Variants in TRAPPC9 observed in about 807,000 individuals in gnomAD.
TRAPPC9 encodes the protein trafficking protein particle complex subunit 9, also known as IKK2 binding protein.
In TRAPPC9, 83 loss-of-function variants were observed where a neutral mutation model predicts 124.0. The observed-to-expected ratio is 0.67, with a 90% CI of 0.56 to 0.80. The LOEUF is 0.80. Ranked by LOEUF, TRAPPC9 falls within the 30% of genes least tolerant of loss-of-function variation. TRAPPC9 has a pLI of 0.00. For synonymous variants in TRAPPC9, 638 were observed against 617.5 expected (o/e 1.03, Z -0.49); for missense variants, 1,302 against 1,508.3 (o/e 0.86, Z 2.27).
At chr8:139,784,925 A>G (rs766908027) in intron 21 of TRAPPC9, among the ~76,000 whole-genome samples, 1 of 152,100 alleles carries the variant, frequency 6.6e-6, no homozygotes, top group South Asian at 2.1e-4. Context: ...TTAAAATTCC[A>G]GCAGGCCTTA....
intron 21 of TRAPPC9, among the ~76,000 whole-genome samples, chr8:139,784,528 C>T (rs1396146773): frequency 2.0e-5 from 3 of 149,914 alleles, no homozygotes; most frequent in African/African-American, 4.9e-5. Flanking sequence ...GAGCAGAGAT[C>T]GCGCCATTGC....
chr8:140,076,080 T>C (rs988003848), intron 17 of TRAPPC9, among the ~76,000 whole-genome samples: 2 of 152,212 alleles, frequency 1.3e-5, no homozygotes, highest in Admixed American at 1.3e-4. Flanking sequence ...GGAGGTGCTA[T>C]CACGATCCCC....
rs898755112 is a variant in TRAPPC9 at position 140,305,307 on chromosome 8, T to G, written c.1623-4693A>C. Among the ~76,000 whole-genome samples, 8 of 152,148 alleles carry G rather than the reference T, an allele frequency of 5.3e-5. 1 individual carries two copies. Among genetic ancestry groups the G allele is most frequent in the South Asian group, 4.1e-4 (2 of 4,822 alleles). Reference sequence around the variant, plus strand: ...TGGTTACCTTAACTTGTTCTTTTTTTTGAGAGAGAGAGAGAGGGAGTATCG... The same window carrying G: ...TGGTTACCTTAACTTGTTCTTTTTTGTGAGAGAGAGAGAGAGGGAGTATCG... On this transcript the variant is annotated intron_variant, in intron 10 of 22. Transcript: ENST00000438773.
intron 17 of TRAPPC9, among the ~76,000 whole-genome samples, chr8:140,105,893 T>C (rs374400809): frequency 1.9e-4 from 29 of 152,248 alleles, no homozygotes; most frequent in African/African-American, 6.7e-4. Flanking sequence ...TGGCCACTCC[T>C]TCATAGGAGA....
intron 21 of TRAPPC9, among the ~76,000 whole-genome samples, chr8:139,775,193 G>A (rs1364026085): frequency 1.3e-5 from 2 of 152,172 alleles, no homozygotes; most frequent in East Asian, 1.9e-4. Flanking sequence ...ACAGGGCCAT[G>A]TCCACAACAG....
At chr8:139,772,578 A>T (rs1821045169) in intron 21 of TRAPPC9, among the ~76,000 whole-genome samples, 1 of 152,232 alleles carries the variant, frequency 6.6e-6, no homozygotes, top group South Asian at 2.1e-4. Flanking sequence ...GGAGTCGGCT[A>T]CACATAAAAT....
At chr8:140,451,510 T>G in intron 1 of TRAPPC9, 127 bp from the exon 2 acceptor site, 1 of 785,160 alleles carries the variant, frequency 1.3e-6, no homozygotes, top group Admixed American at 2.0e-5. Flanking sequence ...AGCCGTGGCA[T>G]CAACAGGTCT....
intron 19 of TRAPPC9, among the ~76,000 whole-genome samples, chr8:139,953,593 A>ACTT (rs67450747): frequency 0.89 from 135,786 of 152,016 alleles, 60,799 homozygotes; most frequent in Middle Eastern, 0.99. Flanking sequence ...AAAATTAAAA[A>ACTT]CTTCTCTGAG....
At chr8:140,154,412 C>T (rs1447472413) in intron 17 of TRAPPC9, among the ~76,000 whole-genome samples, 2 of 152,204 alleles carry the variant, frequency 1.3e-5, no homozygotes, top group African/African-American at 4.8e-5. Flanking sequence ...CCCCATCCAG[C>T]AGCTGGGGTG....
chr8:140,302,732 A>G (rs2066016513), intron 10 of TRAPPC9: 1 of 152,222 alleles, frequency 6.6e-6, no homozygotes, highest in African/African-American at 2.4e-5. Flanking sequence ...ACAGGGAAAC[A>G]TATCCAAGAA....
rs997453169 is a variant in TRAPPC9, at chr8:140,241,364, G to A, written c.2431+11413C>T. ...TGTAGTGAGCTGAGATCACACCACT[G>A]CACTCCAGCCTGGGAGACAGAGTGA... On this transcript the variant is annotated intron_variant, in intron 16 of 22. Coordinates refer to ENST00000438773, the MANE Select transcript of TRAPPC9 (RefSeq NM_001160372.4). The surrounding 1 kb of genome is among the most constrained non-coding windows in gnomAD (Gnocchi z 5.0). Among the ~76,000 whole-genome samples, 2 of 152,108 alleles carry A rather than the reference G, an allele frequency of 1.3e-5. No homozygotes were observed. The highest frequency in any genetic ancestry group is 2.9e-5 in the Non-Finnish European group (2 of 68,026).
In TRAPPC9 at chr8:139,729,381, G is replaced by A. The variant is rs1451242788; in HGVS notation, c.*1680C>T. 6.6e-6 allele frequency among the ~76,000 whole-genome samples: 1 copy of A among 152,252 alleles called. No individual in the cohort carries two copies. The highest frequency in any genetic ancestry group is 1.5e-5 in the Non-Finnish European group (1 of 68,044). ...GTTTGTTCCATTCAGAAACAGCCCA[G>A]GTGGCCAGGCCCTCAACTACGCTGA... On this transcript the variant is annotated 3_prime_UTR_variant, in exon 23 of 23. Transcript: ENST00000438773.
intron 19 of TRAPPC9, among the ~76,000 whole-genome samples, chr8:139,925,870 T>G (rs1025830056): frequency 6.6e-6 from 1 of 151,502 alleles, no homozygotes; most frequent in African/African-American, 2.4e-5. Flanking sequence ...CTCTGAGTTA[T>G]GTACAGGATA....
In TRAPPC9 at chr8:139,801,016, T is replaced by C. The variant is rs1237690480; in HGVS notation, c.3056-68814A>G. 3.2e-5 allele frequency among the ~76,000 whole-genome samples: 4 copies of C among 126,494 alleles called. No individual in the cohort carries two copies. In the East Asian group the frequency reaches 7.4e-4, roughly 23 times the overall value. The allele number at this position is 126,494 out of a possible 152,430, so 83.0% of individuals were successfully genotyped here. A position where few individuals can be genotyped will look rare whatever the true frequency, so the allele number is the denominator to read the frequency against. ...TCTGGCACCTTCCCTCCCTCCGGCA[T>C]CTTCCCTCCCTCCGGTACCTTCCCT... On this transcript the variant is annotated intron_variant, in intron 21 of 22. Transcript: ENST00000438773.
At chr8:140,369,007 C>T (rs764694202) in intron 8 of TRAPPC9, among the ~76,000 whole-genome samples, 26 of 152,158 alleles carry the variant, frequency 1.7e-4, no homozygotes, top group Non-Finnish European at 3.2e-4. Context: ...CCATGGTGTG[C>T]GTGCCGTCCA....
At chr8:139,910,355 G>A (rs770397551) in intron 19 of TRAPPC9, 55 bp from the exon 20 acceptor site, 31 of 1,584,056 alleles carry the variant, frequency 2.0e-5, no homozygotes, top group African/African-American at 4.0e-5. Flanking sequence ...AATTTCTGCC[G>A]GCTGTTGGAG....
chr8:140,202,259 T>C (rs1434822525), intron 17 of TRAPPC9, among the ~76,000 whole-genome samples: 3 of 151,442 alleles, frequency 2.0e-5, no homozygotes, highest in African/African-American at 7.3e-5. Context: ...TTGGCCAAAT[T>C]ATGACAAGTG....
chr8:140,415,384 T>A (rs1307772783), intron 5 of TRAPPC9, among the ~76,000 whole-genome samples: 1 of 151,666 alleles, frequency 6.6e-6, no homozygotes, highest in African/African-American at 2.4e-5. Context: ...TGAAACCCCA[T>A]CTCTACTAAA....
At chr8:140,213,209 A>C (rs1157062890) in intron 17 of TRAPPC9, among the ~76,000 whole-genome samples, 1 of 152,086 alleles carries the variant, frequency 6.6e-6, no homozygotes, top group Non-Finnish European at 1.5e-5. Context: ...AGGTTTTAAC[A>C]AAACATTCTG....
Sources: gnomAD v4.1 joint callset for allele counts (sites outside exome capture counted in the v4.1 genomes callset) on GRCh38, gnomAD v4.1.1 for gene constraint, Gnocchi (gnomAD v3.1) non-coding constraint, MANE v1.5 for transcripts, NCBI Gene and HGNC (gene_info 2026-07-23, HGNC 2026-07-21) for gene names.